NUP133: variants seen among roughly 807,000 people sequenced by gnomAD.
NUP133 encodes the protein nucleoporin 133, also known as nuclear pore complex protein Nup133.
In NUP133, 66 loss-of-function variants were observed where a neutral mutation model predicts 146.2. The observed-to-expected ratio is 0.45, with a 90% CI of 0.37 to 0.55. NUP133 has a LOEUF of 0.55. Among genes scored for constraint, NUP133 ranks in the 20% least tolerant of loss-of-function variants. The probability of loss-of-function intolerance (pLI) is 0.00; values close to 1 mark genes in which losing one functional copy is unlikely to be tolerated. For missense variants in NUP133, 1,277 were observed against 1,374.8 expected (o/e 0.93, Z 1.12); for synonymous variants, 521 against 498.8 (o/e 1.04, Z -0.59).
chr1:229,468,942 G>T (rs10916485), intron 15 of NUP133, among the ~76,000 whole-genome samples: 30,043 of 152,066 alleles, frequency 0.2, 3,175 homozygotes, highest in African/African-American at 0.24. Context: ...TAAAAGCAAA[G>T]AATTCACACT....
chr1:229,497,033 T>C (rs1269035191), intron 6 of NUP133, among the ~76,000 whole-genome samples: 2 of 152,240 alleles, frequency 1.3e-5, no homozygotes, highest in Non-Finnish European at 2.9e-5. Flanking sequence ...TCATGAAGTA[T>C]AGATATTCGG....
chr1:229,450,122 C>G lies in NUP133; in HGVS notation c.3180+403G>C, dbSNP rs1171767482. 2.0e-5 allele frequency among the ~76,000 whole-genome samples: 3 copies of G among 150,724 alleles called. No individual in the cohort carries two copies. In the East Asian group the frequency reaches 5.8e-4, roughly 29 times the overall value. ...TGTTTGCCAGGCTGGCCTCAAACTC[C>G]CAACCTCAGGTGATCTGTCTGCCTC... On this transcript the variant is annotated intron_variant, in intron 23 of 25. Coordinates refer to ENST00000261396, the MANE Select transcript of NUP133 (RefSeq NM_018230.3).
chr1:229,445,588 G>A lies in NUP133; in HGVS notation c.3246-586C>T, dbSNP rs150735397. Among the ~76,000 whole-genome samples, 20 of 152,248 alleles carry A rather than the reference G, an allele frequency of 1.3e-4. 1 individual carries two copies. In the East Asian group the frequency reaches 3.3e-3, roughly 25 times the overall value. On this transcript the variant is annotated intron_variant, in intron 24 of 25. Transcript: ENST00000261396. ...CCTGTCTTGGCCTCCCAAAGTGCTG[G>A]GATTGCAGGCATGAGCCACTGGACC... is the stretch of plus-strand genomic sequence containing the variant.
chr1:229,463,528 C>G lies in NUP133; in HGVS notation c.2685+15G>C. On this transcript the variant is annotated intron_variant, in intron 19 of 25. Coordinates refer to ENST00000261396, the MANE Select transcript of NUP133 (RefSeq NM_018230.3). ...AACTAAAGGACTCAGTGGCCACACACCCAACACTCATCACCTGATCAGCAA... is the reference window on the plus strand; with the variant it reads ...AACTAAAGGACTCAGTGGCCACACAGCCAACACTCATCACCTGATCAGCAA... 1 of 1,611,432 alleles carries G rather than the reference C, an allele frequency of 6.2e-7. No homozygotes were observed.
intron 24 of NUP133, 91 bp from the exon 25 acceptor site, chr1:229,445,093 G>A (rs1349222850): frequency 4.3e-6 from 4 of 922,096 alleles, no homozygotes; most frequent in Non-Finnish European, 5.1e-6. Context: ...TATTTTGATG[G>A]CTGTGGGGGA....
rs1453904783 is a variant in NUP133 at position 229,470,579 on chromosome 1, C to T, written c.2076+1G>A. ...GCCACATGAAAGAGGACTCATCTTACCTCCCTGAAAAAGACATCTGCAGGA... is the reference window on the plus strand; with the variant it reads ...GCCACATGAAAGAGGACTCATCTTATCTCCCTGAAAAAGACATCTGCAGGA... On this transcript the variant is annotated splice_donor_variant, in intron 15 of 25. Transcript: ENST00000261396. LOFTEE classifies it high-confidence loss of function. 1 of 1,612,664 alleles carries T rather than the reference C, an allele frequency of 6.2e-7. No individual in the cohort carries two copies. Among genetic ancestry groups the T allele is most frequent in the Non-Finnish European group, 8.5e-7 (1 of 1,178,642 alleles).
At position 229,463,647 on chromosome 1, in the gene NUP133, A is replaced by C. The variant is rs781034366; in HGVS notation, c.2581T>G (p.Ser861Ala). 9 of 1,613,846 alleles carry C rather than the reference A, an allele frequency of 5.6e-6. No individual in the cohort carries two copies. The African/African-American group carries it at 9.3e-5, about 17-fold the overall frequency. Reference protein sequence around the residue: ...LSLGQYLWAASLAEKYCDFDI... With the variant: ...LSLGQYLWAAALAEKYCDFDI... ...AAGTCACAGTATTTCTCTGCTAGAG[A>C]AGCAGCCCACAGGTACTGGCCTAGT... is the stretch of plus-strand genomic sequence containing the variant. The change falls in exon 19 of 26, where the codon TCT becomes GCT. Residue 861 changes from serine to alanine, a missense_variant. Ser to Ala is a moderately conservative substitution (Grantham distance 99, BLOSUM62 1). This residue lies in a region of NUP133 where 952 missense variants were observed against 1,047.0 expected (regional missense o/e 0.91). Coordinates refer to ENST00000261396, the MANE Select transcript of NUP133 (RefSeq NM_018230.3).
chr1:229,477,274 C>T (rs1049586260), intron 13 of NUP133, among the ~76,000 whole-genome samples: 2 of 151,696 alleles, frequency 1.3e-5, no homozygotes, highest in Non-Finnish European at 1.5e-5. Flanking sequence ...CCCGTCTCTA[C>T]CAAAAATACA....
In NUP133 at chr1:229,463,692, A is replaced by C. The variant is rs16849788; in HGVS notation, c.2552-16T>G. The C allele has an allele frequency of 0.015, 23,820 of 1,577,660 alleles. 2,032 individuals are homozygous for C. In the African/African-American group the frequency reaches 0.23, roughly 15 times the overall value. On this transcript the variant is annotated splice_polypyrimidine_tract_variant and intron_variant, in intron 18 of 25. Transcript: ENST00000261396. ...CCTAGTGAAACTGTGGGAATGAGAAAAGATGGGAAAAAATCCTGTTAGCAA... is the reference window on the plus strand; with the variant it reads ...CCTAGTGAAACTGTGGGAATGAGAACAGATGGGAAAAAATCCTGTTAGCAA...
Position 229,454,122 on chromosome 1 carries a change from T to C in NUP133, c.2981-1479A>G, listed in dbSNP as rs1156786659. ...TGATGTAAAAGCTACCATGAGTCTA[T>C]CAAGAAAAACAAGACCTGGAAGAAT... On this transcript the variant is annotated intron_variant, in intron 21 of 25. Coordinates refer to ENST00000261396, the MANE Select transcript of NUP133 (RefSeq NM_018230.3). Among the ~76,000 whole-genome samples the C allele has an allele frequency of 3.3e-5, 5 of 152,134 alleles. No individual in the cohort carries two copies. In the East Asian group the frequency reaches 9.6e-4, roughly 29 times the overall value.
intron 7 of NUP133, 71 bp downstream of exon 7, chr1:229,495,821 C>A: frequency 7.7e-7 from 1 of 1,297,650 alleles, no homozygotes; most frequent in Non-Finnish European, 1.1e-6. Flanking sequence ...ATAAATAAAA[C>A]AATTAAGGGA....
In NUP133 at chr1:229,508,199, C is replaced by T. The variant is rs1287936020; in HGVS notation, c.51G>A (p.Arg17=). 1 of 1,567,588 alleles carries T rather than the reference C, an allele frequency of 6.4e-7. No homozygotes were observed. The highest frequency in any genetic ancestry group is 8.6e-7 in the Non-Finnish European group (1 of 1,159,030). The stretch of plus-strand genomic sequence containing the variant: ...CGGGCCCGAGTCCGGCCAGCGGGCC[C>T]CTTCGGGACCCGGTACCCGGGGTCC... ...SPRTPGTGSR[R]GPLAGLGPGS... The change falls in exon 1 of 26, where the codon AGG becomes AGA. Residue 17 remains arginine (R), a synonymous_variant. Coordinates refer to ENST00000261396, the MANE Select transcript of NUP133 (RefSeq NM_018230.3).
At chr1:229,503,725 C>G (rs754024071) in intron 2 of NUP133, among the ~76,000 whole-genome samples, 1 of 152,210 alleles carries the variant, frequency 6.6e-6, no homozygotes, top group Non-Finnish European at 1.5e-5. Context: ...CTTGAAAGCA[C>G]TACAACTCCA....
intron 1 of NUP133, 29 bp from the exon 2 acceptor site, chr1:229,506,187 T>C (rs1661930951): frequency 1.5e-6 from 2 of 1,298,120 alleles, no homozygotes; most frequent in African/African-American, 1.5e-5. Flanking sequence ...ATTACCTTAC[T>C]TGTAACTTAA....
rs539515963 is a variant in NUP133, at chr1:229,465,349, A to G, written c.2299+71T>C. 7.3e-6 allele frequency: 9 copies of G among 1,232,340 alleles called. No individual in the cohort carries two copies. The East Asian group carries it at 2.1e-4, about 29-fold the overall frequency. The allele number at this position is 1,232,340 out of a possible 1,614,324, so 76.3% of individuals were successfully genotyped here. A position where few individuals can be genotyped will look rare whatever the true frequency, so the allele number is the denominator to read the frequency against. On this transcript the variant is annotated intron_variant, in intron 17 of 25. Coordinates refer to ENST00000261396, the MANE Select transcript of NUP133 (RefSeq NM_018230.3). ...ACTTACAAACCTACGCTAGGGGAATAACACAACTTCTAAAAATGATGGGTC... is the reference window on the plus strand; with the variant it reads ...ACTTACAAACCTACGCTAGGGGAATGACACAACTTCTAAAAATGATGGGTC...
intron 15 of NUP133, among the ~76,000 whole-genome samples, 177 bp downstream of exon 15, chr1:229,470,403 C>T (rs1660927196): frequency 6.6e-6 from 1 of 152,096 alleles, no homozygotes; most frequent in Non-Finnish European, 1.5e-5. Flanking sequence ...CTCTTCTTTA[C>T]AGGTAACTGA....
At chr1:229,453,861 T>C (rs1203154803) in intron 21 of NUP133, among the ~76,000 whole-genome samples, 3 of 152,234 alleles carry the variant, frequency 2.0e-5, no homozygotes, top group Non-Finnish European at 4.4e-5. Flanking sequence ...TGTTCTATGG[T>C]AGTAAATGAT....
In NUP133 at chr1:229,498,273, G is replaced by A. The variant is rs144186971; in HGVS notation, c.682C>T (p.Gln228Ter). ...CTCTCAGGTATCAACCGAATTAGTT[G>A]GCTTCCTGATGAAGACAAAATAAAA... ...GSFILSSSGS[Q>*]LIRLIPESSG... The change falls in exon 6 of 26, where the codon CAA becomes TAA. Residue 228 changes from glutamine (Q) to a stop codon, truncating the protein, a stop_gained. Transcript: ENST00000261396. LOFTEE classifies it high-confidence loss of function. The A allele has an allele frequency of 6.2e-7, 1 of 1,601,662 alleles. No individual in the cohort carries two copies. The highest frequency in any genetic ancestry group is 1.8e-5 in the Admixed American group (1 of 56,306).
intron 13 of NUP133, among the ~76,000 whole-genome samples, chr1:229,476,928 C>CAG (rs1661089071): frequency 1.4e-5 from 1 of 72,530 alleles, no homozygotes; most frequent in African/African-American, 4.9e-5. Flanking sequence ...ACCCTGTTTC[C>CAG]AAAAAAAAAA....
Sources: gnomAD v4.1 joint callset for allele counts (sites outside exome capture counted in the v4.1 genomes callset) on GRCh38, gnomAD v4.1.1 for gene constraint, gnomAD v4.1.1 regional missense constraint, MANE v1.5 for transcripts, NCBI Gene and HGNC (gene_info 2026-07-23, HGNC 2026-07-21) for gene names.